NTM: variants seen among roughly 807,000 people sequenced by gnomAD.
The protein encoded by NTM is neurotrimin.
A neutral mutation model predicts 42.1 loss-of-function variants in NTM; 13 were observed. The ratio of observed to expected loss-of-function variants is 0.31; its 90% CI spans 0.20 to 0.49. The LOEUF is 0.49. NTM is among the 20% of genes least tolerant of loss of function. The pLI, the probability that NTM is intolerant of heterozygous loss-of-function variation, is 0.99. For synonymous variants in NTM, 187 were observed against 179.2 expected (o/e 1.04, Z -0.35); for missense variants, 373 against 452.8 (o/e 0.82, Z 1.60).
chr11:131,785,646 C>A (rs2089023673), intron 1 of NTM, among the ~76,000 whole-genome samples: 1 of 152,156 alleles, frequency 6.6e-6, no homozygotes, highest in African/African-American at 2.4e-5. Flanking sequence ...TTGAACAAGG[C>A]AGAAATCTTG....
intron 2 of NTM, among the ~76,000 whole-genome samples, chr11:132,078,354 C>T (rs535991798): frequency 8.5e-4 from 129 of 152,332 alleles, no homozygotes; most frequent in Non-Finnish European, 1.5e-3. Flanking sequence ...TGCCTAGAGT[C>T]GGGCTTAGTT....
chr11:131,922,714 C>G (rs991760242), intron 2 of NTM, among the ~76,000 whole-genome samples: 35 of 152,266 alleles, frequency 2.3e-4, no homozygotes, highest in African/African-American at 7.7e-4. Context: ...TACTCCTGTT[C>G]CCCTGGAGTT....
At chr11:131,758,004 A>T (rs750550555) in intron 1 of NTM, among the ~76,000 whole-genome samples, 1 of 152,088 alleles carries the variant, frequency 6.6e-6, no homozygotes, top group Non-Finnish European at 1.5e-5. Context: ...TGAATAGTCT[A>T]TGTTTCTAAA....
At chr11:131,500,540 A>ATT (rs1565568961) in intron 1 of NTM, among the ~76,000 whole-genome samples, 30 of 84,844 alleles carry the variant, frequency 3.5e-4, no homozygotes, top group African/African-American at 1.2e-3. Flanking sequence ...ATAGTTATTT[A>ATT]TTATATATAT....
At chr11:131,720,148 G>A (rs1259230892) in intron 1 of NTM, among the ~76,000 whole-genome samples, 6 of 152,204 alleles carry the variant, frequency 3.9e-5, no homozygotes, top group Non-Finnish European at 8.8e-5. Context: ...CAATTGAAAA[G>A]TTAATAATTG....
chr11:131,768,065 T>A (rs533956705), intron 1 of NTM, among the ~76,000 whole-genome samples: 1 of 152,052 alleles, frequency 6.6e-6, no homozygotes, highest in Non-Finnish European at 1.5e-5. Flanking sequence ...GGTCCATGAT[T>A]AGAGTTTCAG....
At chr11:132,015,435 A>G (rs1377694646) in intron 2 of NTM, among the ~76,000 whole-genome samples, 3 of 151,748 alleles carry the variant, frequency 2.0e-5, no homozygotes, top group African/African-American at 7.3e-5. Context: ...GAAAAATGCC[A>G]TTGGTGTTTT....
intron 2 of NTM, among the ~76,000 whole-genome samples, chr11:132,105,351 G>A (rs1320555452): frequency 6.6e-6 from 1 of 151,998 alleles, no homozygotes; most frequent in Non-Finnish European, 1.5e-5. Context: ...AAATATGTCT[G>A]CTTATTAATA....
At chr11:132,062,911 C>T (rs887461420) in intron 2 of NTM, among the ~76,000 whole-genome samples, 1 of 152,070 alleles carries the variant, frequency 6.6e-6, no homozygotes, top group Admixed American at 6.6e-5. Flanking sequence ...GGATACCAGG[C>T]AGGATGGGTG....
chr11:131,500,490 A>C (rs967887549), intron 1 of NTM, among the ~76,000 whole-genome samples: 2 of 149,682 alleles, frequency 1.3e-5, no homozygotes, highest in African/African-American at 4.9e-5. Flanking sequence ...AGATGAGATA[A>C]CTGAGGCATA....
At chr11:131,391,458 C>T (rs750557113) in intron 1 of NTM, among the ~76,000 whole-genome samples, 8 of 151,956 alleles carry the variant, frequency 5.3e-5, no homozygotes, top group Admixed American at 2.6e-4. Context: ...TTTCTACCAG[C>T]GATCATTAGC....
chr11:132,234,222 A>G (rs748836883), intron 4 of NTM, among the ~76,000 whole-genome samples: 16 of 152,110 alleles, frequency 1.1e-4, no homozygotes, highest in Admixed American at 2.0e-4. Flanking sequence ...TTGTTTTTGG[A>G]TAGTGGCACT....
intron 2 of NTM, among the ~76,000 whole-genome samples, chr11:132,095,622 AG>A (rs1468856424): frequency 2.0e-5 from 3 of 152,202 alleles, no homozygotes; most frequent in Non-Finnish European, 2.9e-5. Flanking sequence ...TTTTCTCTTC[AG>A]TAGTCGGCAT....
chr11:132,049,444 G>A (rs1594117289), intron 2 of NTM, among the ~76,000 whole-genome samples: 1 of 152,176 alleles, frequency 6.6e-6, no homozygotes, highest in Non-Finnish European at 1.5e-5. Context: ...CTAGGCTGGG[G>A]CAGGGGTGCG....
At chr11:132,261,730 G>T (rs997637425) in intron 4 of NTM, among the ~76,000 whole-genome samples, 2 of 152,194 alleles carry the variant, frequency 1.3e-5, no homozygotes, top group African/African-American at 4.8e-5. Flanking sequence ...AATAGGAGCT[G>T]CCAGTCAAAC....
chr11:132,257,367 C>A (rs914047909), intron 4 of NTM, among the ~76,000 whole-genome samples: 4 of 152,144 alleles, frequency 2.6e-5, no homozygotes, highest in Admixed American at 2.6e-4. Flanking sequence ...AAGGAAGTGA[C>A]CAGTTGGAGA....
intron 4 of NTM, among the ~76,000 whole-genome samples, chr11:132,266,945 G>C (rs1392849078): frequency 6.6e-6 from 1 of 152,198 alleles, no homozygotes; most frequent in East Asian, 1.9e-4. Context: ...ACAAGCATTA[G>C]AGGTTGTTAG....
chr11:132,057,605 C>G (rs2079907347), intron 2 of NTM, among the ~76,000 whole-genome samples: 1 of 152,206 alleles, frequency 6.6e-6, no homozygotes, highest in Non-Finnish European at 1.5e-5. Context: ...CTCTGTACTT[C>G]TGCATCCTTA....
At chr11:132,038,670 A>G (rs1373060945) in intron 2 of NTM, among the ~76,000 whole-genome samples, 1 of 152,226 alleles carries the variant, frequency 6.6e-6, no homozygotes. Context: ...CACCCCTGGC[A>G]GACCAGCACG....
Sources: gnomAD v4.1 joint callset for allele counts (sites outside exome capture counted in the v4.1 genomes callset) on GRCh38, gnomAD v4.1.1 for gene constraint, MANE v1.5 for transcripts, NCBI Gene and HGNC (gene_info 2026-07-23, HGNC 2026-07-21) for gene names.